DMD: variants seen among roughly 807,000 people sequenced by gnomAD.
DMD encodes mutant dystrophin.
Under a neutral mutation model 330.1 loss-of-function variants are expected in DMD, and 63 were observed. The ratio of observed to expected loss-of-function variants is 0.19; its 90% confidence interval spans 0.16 to 0.24. DMD has a LOEUF of 0.24. DMD is among the 10% of genes least tolerant of loss of function. The pLI, the probability that DMD is intolerant of heterozygous loss-of-function variation, is 1.00. For synonymous variants in DMD, 1,223 were observed against 959.8 expected, an observed-to-expected ratio of 1.27 and a Z score of -5.07; for missense variants, 3,344 against 2,684.1, an observed-to-expected ratio of 1.25 and a Z score of -5.43.
At chrX:32,327,497 T>C (rs1352756154) in intron 41 of DMD, among the ~76,000 whole-genome samples, 3 of 111,429 alleles carry the variant, frequency 2.7e-5, no homozygotes, top group African/African-American at 9.8e-5. Context: ...CAAAATAATA[T>C]ATTTTGCCAG....
At chrX:31,776,701 T>G (rs4540568) in intron 50 of DMD, among the ~76,000 whole-genome samples, 24,360 of 107,700 alleles carry the variant, frequency 0.23, 2,074 homozygotes, top group Non-Finnish European at 0.26. Context: ...AGCCAGGCAG[T>G]AAGGGAAGGA....
rs768829626 is a variant in DMD, at chrX:31,568,958, CGATACGCATTAACA to C, written c.8217+58701_8217+58714del. The stretch of plus-strand genomic sequence containing the variant: ...TTTTTAGTGGTCTTTCCAGGCATTA[CGATACGCATTAACA>C]TTGCAATCTACTGGAATTGACTTCA... On this transcript the variant is annotated intron_variant, in intron 55 of 78. Transcript: ENST00000357033. 3.6e-3 allele frequency among the ~76,000 whole-genome samples: 401 copies of C among 111,255 alleles called. 3 individuals are homozygous for C. Among genetic ancestry groups the C allele is most frequent in the African/African-American group, 0.012 (378 of 30,762 alleles).
intron 2 of DMD, among the ~76,000 whole-genome samples, chrX:32,934,501 G>C (rs746939686): frequency 9.0e-6 from 1 of 110,836 alleles, no homozygotes; most frequent in Non-Finnish European, 1.9e-5. Flanking sequence ...GAGAAATACC[G>C]CATCTCTAAA....
chrX:32,177,775 A>G (rs908961843), intron 44 of DMD, among the ~76,000 whole-genome samples: 2 of 111,305 alleles, frequency 1.8e-5, no homozygotes, highest in African/African-American at 6.5e-5. Flanking sequence ...AATACTAATT[A>G]CTGAGGGAGC....
intron 62 of DMD, among the ~76,000 whole-genome samples, chrX:31,293,956 G>A (rs1480211233): frequency 5.4e-5 from 6 of 111,328 alleles, no homozygotes; most frequent in Non-Finnish European, 7.5e-5. Context: ...AGGAGTTCGA[G>A]GTCAGCCTGG....
chrX:33,202,148 T>C (rs1029137728), intron 1 of DMD, among the ~76,000 whole-genome samples: 8 of 112,000 alleles, frequency 7.1e-5, no homozygotes, highest in Non-Finnish European at 1.3e-4. Flanking sequence ...GTTTTATTTT[T>C]AAAGAGCATC....
chrX:31,625,116 A>C (rs1603429710), intron 55 of DMD, among the ~76,000 whole-genome samples: 1 of 112,139 alleles, frequency 8.9e-6, no homozygotes, highest in African/African-American at 3.2e-5. Flanking sequence ...AAAAATCAGG[A>C]GTTGGCTATA....
At position 31,982,856 on chromosome X, in the gene DMD, T is replaced by C. The variant is rs1458372; in HGVS notation, c.6439-14342A>G. On this transcript the variant is annotated intron_variant, in intron 44 of 78. Coordinates refer to ENST00000357033, the MANE Select transcript of DMD (RefSeq NM_004006.3). Reference sequence around the variant, plus strand: ...CATTAGTACATATTACTAAAGTTTTTCAGAGATATGGCCATATATAGTGGG... The same window carrying C: ...CATTAGTACATATTACTAAAGTTTTCCAGAGATATGGCCATATATAGTGGG... 3.7e-3 allele frequency among the ~76,000 whole-genome samples: 405 copies of C among 108,275 alleles called. 3 individuals carry two copies. The highest frequency in any genetic ancestry group is 0.013 in the African/African-American group (386 of 30,469). 94.0% of individuals were successfully genotyped at this position (108,275 alleles called of 115,157 possible). A position where few individuals can be genotyped will look rare whatever the true frequency, so the allele number is the denominator to read the frequency against.
intron 60 of DMD, among the ~76,000 whole-genome samples, chrX:31,437,809 GATATATAT>G (rs34012169): frequency 1.0e-5 from 1 of 100,329 alleles, no homozygotes; most frequent in East Asian, 3.1e-4. Flanking sequence ...TTTGCATCCT[GATATATAT>G]ATATATATAT....
chrX:32,049,769 T>G (rs2096093008), intron 44 of DMD, among the ~76,000 whole-genome samples: 1 of 111,888 alleles, frequency 8.9e-6, no homozygotes, highest in African/African-American at 3.2e-5. Flanking sequence ...GTATCAGGCT[T>G]TAGTGATACC....
chrX:31,205,690 T>C (rs2043994960), intron 66 of DMD, among the ~76,000 whole-genome samples: 1 of 112,466 alleles, frequency 8.9e-6, no homozygotes, highest in Non-Finnish European at 1.9e-5. Context: ...AAGTGGAAAC[T>C]ACATAAAAGT....
chrX:32,644,921 A>G, intron 10 of DMD, 43 bp downstream of exon 10: 1 of 1,180,758 alleles, frequency 8.5e-7, no homozygotes, highest in Non-Finnish European at 1.2e-6. Flanking sequence ...TGCCATTATA[A>G]CAAGTCATAT....
At chrX:32,803,190 T>C (rs970027570) in intron 7 of DMD, among the ~76,000 whole-genome samples, 4 of 111,942 alleles carry the variant, frequency 3.6e-5, no homozygotes, top group African/African-American at 1.3e-4. Context: ...CCTGGTTTAA[T>C]CTTGGAAGAG....
chrX:31,717,011 A>T (rs2085114713), intron 52 of DMD, among the ~76,000 whole-genome samples: 1 of 111,011 alleles, frequency 9.0e-6, no homozygotes, highest in Admixed American at 9.6e-5. Context: ...TATCTGTGTG[A>T]TCTTATGCAA....
At chrX:32,883,422 C>T (rs1343006366) in intron 2 of DMD, among the ~76,000 whole-genome samples, 1 of 111,509 alleles carries the variant, frequency 9.0e-6, no homozygotes, top group Middle Eastern at 4.2e-3. Flanking sequence ...TACTAGCTGG[C>T]ACTACCCCAA....
At chrX:31,492,768 C>A (rs773342295) in intron 57 of DMD, among the ~76,000 whole-genome samples, 1 of 108,590 alleles carries the variant, frequency 9.2e-6, no homozygotes, top group South Asian at 4.1e-4. Context: ...AGCAAACTAA[C>A]AGAGGAACCG....
chrX:31,802,325 T>C (rs1435980405), intron 50 of DMD, among the ~76,000 whole-genome samples: 2 of 111,418 alleles, frequency 1.8e-5, no homozygotes, highest in Middle Eastern at 4.6e-3. Flanking sequence ...TGGATGACAG[T>C]ATTATTTAAC....
chrX:32,386,178 G>A (rs1424026591), intron 33 of DMD, 132 bp downstream of exon 33: 13 of 637,526 alleles, frequency 2.0e-5, no homozygotes, highest in South Asian at 1.4e-4. Context: ...ATATATATAC[G>A]TATACATATA....
chrX:32,855,073 A>G (rs1045952723), intron 2 of DMD, among the ~76,000 whole-genome samples: 2 of 112,137 alleles, frequency 1.8e-5, no homozygotes, highest in African/African-American at 6.5e-5. Context: ...ATGAAGGACA[A>G]AAACCATATC....
Sources: gnomAD v4.1 joint callset for allele counts (sites outside exome capture counted in the v4.1 genomes callset) on GRCh38, gnomAD v4.1.1 for gene constraint, MANE v1.5 for transcripts, NCBI Gene and HGNC (gene_info 2026-07-23, HGNC 2026-07-21) for gene names.